LHFPL3: variants seen among roughly 807,000 people sequenced by gnomAD.
The protein encoded by LHFPL3 is LHFPL tetraspan subfamily member 3.
In LHFPL3, 5 loss-of-function variants were observed where a neutral mutation model predicts 19.3. That is an observed-to-expected ratio of 0.26 (90% CI 0.14 to 0.54). LHFPL3 has a LOEUF of 0.54. LHFPL3 is among the 20% of genes least tolerant of loss of function. The probability of loss-of-function intolerance (pLI) is 0.94; values close to 1 mark genes in which losing one functional copy is unlikely to be tolerated. For synonymous variants in LHFPL3, 133 were observed against 126.2 expected (o/e 1.05, Z -0.36); for missense variants, 249 against 307.4 (o/e 0.81, Z 1.42).
At chr7:104,787,573 C>A (rs1020514018) in intron 2 of LHFPL3, among the ~76,000 whole-genome samples, 1 of 152,114 alleles carries the variant, frequency 6.6e-6, no homozygotes, top group Non-Finnish European at 1.5e-5. Flanking sequence ...TTTTTTGTGA[C>A]AAGGTCTTGC....
chr7:104,582,227 T>C (rs948731903), intron 1 of LHFPL3, among the ~76,000 whole-genome samples: 1 of 152,004 alleles, frequency 6.6e-6, no homozygotes, highest in African/African-American at 2.4e-5. Context: ...TTTTTGACAC[T>C]ATTATTAATA....
At chr7:104,572,704 T>C (rs1584410687) in intron 1 of LHFPL3, among the ~76,000 whole-genome samples, 1 of 152,308 alleles carries the variant, frequency 6.6e-6, no homozygotes, top group African/African-American at 2.4e-5. Flanking sequence ...GGGTTGATCT[T>C]CTATAGGGAC....
chr7:104,568,733 C>T (rs1322275603), intron 1 of LHFPL3, among the ~76,000 whole-genome samples: 3 of 152,140 alleles, frequency 2.0e-5, no homozygotes, highest in South Asian at 2.1e-4. Flanking sequence ...CTCCTACCAC[C>T]CATGACATGG....
At chr7:104,719,166 C>G (rs1454888473) in intron 1 of LHFPL3, among the ~76,000 whole-genome samples, 1 of 151,920 alleles carries the variant, frequency 6.6e-6, no homozygotes, top group African/African-American at 2.4e-5. Flanking sequence ...TAAAGCTTTA[C>G]AAAAACTTAA....
intron 1 of LHFPL3, among the ~76,000 whole-genome samples, chr7:104,442,723 C>T (rs1482052870): frequency 2.6e-5 from 4 of 152,186 alleles, no homozygotes; most frequent in Non-Finnish European, 1.5e-5. Flanking sequence ...TTAAAGCTTG[C>T]TCTTTCTGGC....
chr7:104,408,927 C>T (rs765942308), intron 1 of LHFPL3, among the ~76,000 whole-genome samples: 18 of 136,732 alleles, frequency 1.3e-4, no homozygotes, highest in Middle Eastern at 4.2e-3. Context: ...TGCAATGGCG[C>T]GATCTCGTCT....
At chr7:104,422,953 T>G (rs1382735804) in intron 1 of LHFPL3, among the ~76,000 whole-genome samples, 1 of 152,232 alleles carries the variant, frequency 6.6e-6, no homozygotes, top group Admixed American at 6.5e-5. Context: ...ATTAATTGAT[T>G]CATTGAACAG....
intron 1 of LHFPL3, chr7:104,667,921 A>G: frequency 1.2e-6 from 2 of 1,613,118 alleles, no homozygotes; most frequent in South Asian, 1.1e-5. Context: ...TGGCACAGTA[A>G]CGATGACGAT....
At chr7:104,710,655 C>T (rs1793285035) in intron 1 of LHFPL3, among the ~76,000 whole-genome samples, 1 of 152,114 alleles carries the variant, frequency 6.6e-6, no homozygotes. Context: ...GCTTCATTTT[C>T]TATAAAATGG....
At chr7:104,663,565 G>C (rs1562960724) in intron 1 of LHFPL3, among the ~76,000 whole-genome samples, 1 of 152,188 alleles carries the variant, frequency 6.6e-6, no homozygotes, top group Non-Finnish European at 1.5e-5. Flanking sequence ...AACATGCAGA[G>C]TTGTAAAAAG....
intron 2 of LHFPL3, among the ~76,000 whole-genome samples, chr7:104,757,437 A>C (rs922713871): frequency 2.0e-5 from 3 of 152,218 alleles, no homozygotes; most frequent in Non-Finnish European, 4.4e-5. Context: ...AGAATGGGAG[A>C]AAATACTTGC....
intron 1 of LHFPL3, among the ~76,000 whole-genome samples, chr7:104,394,077 A>G (rs10278279): frequency 0.025 from 3,793 of 152,322 alleles, 152 homozygotes; most frequent in African/African-American, 0.086. Context: ...TGTACACTTT[A>G]AAAGAATGAA....
At chr7:104,476,150 C>G (rs1793011369) in intron 1 of LHFPL3, among the ~76,000 whole-genome samples, 1 of 152,170 alleles carries the variant, frequency 6.6e-6, no homozygotes, top group South Asian at 2.1e-4. Flanking sequence ...AATGGGCATA[C>G]TCAAGCCTCT....
At chr7:104,856,354 A>AT (rs1437685613) in intron 2 of LHFPL3, among the ~76,000 whole-genome samples, 1 of 146,524 alleles carries the variant, frequency 6.8e-6, no homozygotes, top group Non-Finnish European at 1.5e-5. Flanking sequence ...GATTCAAGCA[A>AT]TTCTCCTGCC....
At chr7:104,585,420 T>C (rs529514474) in intron 1 of LHFPL3, among the ~76,000 whole-genome samples, 2 of 151,086 alleles carry the variant, frequency 1.3e-5, no homozygotes, top group East Asian at 3.9e-4. Flanking sequence ...CACAGCCACT[T>C]TCTTTGACTA....
chr7:104,673,563 A>T (rs4631381), intron 1 of LHFPL3, among the ~76,000 whole-genome samples: 1,760 of 152,300 alleles, frequency 0.012, 32 homozygotes, highest in African/African-American at 0.04. Context: ...GCTTTCTGAT[A>T]TTGTCCAAAA....
At chr7:104,762,351 C>T (rs897832834) in intron 2 of LHFPL3, among the ~76,000 whole-genome samples, 6 of 152,130 alleles carry the variant, frequency 3.9e-5, no homozygotes, top group African/African-American at 1.4e-4. Flanking sequence ...TCTAGAATGT[C>T]ATGACCAATG....
rs1034441167 is a variant in LHFPL3 at position 104,727,454 on chromosome 7, T to C, written c.446-9221T>C. ...ATTTTCTTTTAGGGCTTTTATAGCTTTGAGTTTTACATTTAAGGTGGACCA... is the reference window on the plus strand; with the variant it reads ...ATTTTCTTTTAGGGCTTTTATAGCTCTGAGTTTTACATTTAAGGTGGACCA... On this transcript the variant is annotated intron_variant, in intron 1 of 2. Transcript: ENST00000424859. Among the ~76,000 whole-genome samples the C allele has an allele frequency of 6.6e-5, 10 of 152,218 alleles. No individual in the cohort carries two copies. In the East Asian group the frequency reaches 1.9e-3, roughly 29 times the overall value.
intron 1 of LHFPL3, among the ~76,000 whole-genome samples, chr7:104,432,493 C>T (rs1350651101): frequency 1.3e-5 from 2 of 152,158 alleles, no homozygotes; most frequent in Non-Finnish European, 2.9e-5. Context: ...AGTCCTGCTC[C>T]TTTCTCACCC....
Sources: allele counts gnomAD v4.1 joint callset (sites outside exome capture counted in the v4.1 genomes callset), GRCh38; gene constraint gnomAD v4.1.1; transcripts MANE v1.5; gene names NCBI Gene and HGNC (gene_info 2026-07-23, HGNC 2026-07-21).